Variants in DENND5B observed in about 807,000 individuals in gnomAD.
DENND5B encodes the protein DENN domain-containing protein 5B.
A neutral mutation model predicts 140.6 loss-of-function variants in DENND5B; 34 were observed. The observed-to-expected ratio is 0.24, with a 90% confidence interval of 0.18 to 0.32. The LOEUF is 0.32. Ranked by LOEUF, DENND5B falls within the 10% of genes least tolerant of loss-of-function variation. The pLI is 1.00. For missense variants in DENND5B, 1,142 were observed against 1,560.2 expected (o/e 0.73, Z 4.52); for synonymous variants, 551 against 562.1 (o/e 0.98, Z 0.28).
intron 5 of DENND5B, among the ~76,000 whole-genome samples, chr12:31,450,285 A>G (rs561659875): frequency 6.6e-6 from 1 of 152,354 alleles, no homozygotes; most frequent in East Asian, 1.9e-4. Flanking sequence ...GGGGAAAAAC[A>G]AAGAACACCA....
intron 13 of DENND5B, among the ~76,000 whole-genome samples, chr12:31,412,411 T>TGGGGAG (rs1942508620): frequency 6.6e-6 from 1 of 152,262 alleles, no homozygotes; most frequent in East Asian, 1.9e-4. Flanking sequence ...TCGCAGGGGC[T>TGGGGAG]GGGGAGGGGG....
intron 11 of DENND5B, among the ~76,000 whole-genome samples, chr12:31,416,510 C>T (rs892761344): frequency 1.7e-4 from 25 of 151,454 alleles, no homozygotes; most frequent in South Asian, 8.4e-4. Context: ...GTGATCTGCC[C>T]GCCTTGGCCT....
chr12:31,540,099 A>T (rs1333110530), intron 1 of DENND5B, among the ~76,000 whole-genome samples: 2 of 152,182 alleles, frequency 1.3e-5, no homozygotes, highest in African/African-American at 4.8e-5. Context: ...CTAAAAAAGA[A>T]ATCAAGAAAG....
At chr12:31,566,983 T>G (rs1316987165) in intron 1 of DENND5B, among the ~76,000 whole-genome samples, 1 of 152,200 alleles carries the variant, frequency 6.6e-6, no homozygotes, top group Non-Finnish European at 1.5e-5. Context: ...GTGCAAGCAC[T>G]TGCAGACATT....
At chr12:31,411,331 C>A (rs894353186) in intron 13 of DENND5B, among the ~76,000 whole-genome samples, 2 of 142,770 alleles carry the variant, frequency 1.4e-5, no homozygotes, top group African/African-American at 2.6e-5. Flanking sequence ...GCCAACACGC[C>A]CGGCCTTTTT....
intron 8 of DENND5B, among the ~76,000 whole-genome samples, chr12:31,431,774 G>C (rs907319860): frequency 2.6e-5 from 4 of 151,706 alleles, no homozygotes; most frequent in Admixed American, 6.6e-5. Flanking sequence ...TTGCTATCTA[G>C]CACACAAAAA....
intron 18 of DENND5B, 100 bp from the exon 19 acceptor site, chr12:31,392,493 G>A (rs1285018204): frequency 1.3e-6 from 2 of 1,555,512 alleles, no homozygotes; most frequent in Non-Finnish European, 1.7e-6. Context: ...TATGAAGCAT[G>A]TTTTTACAGC....
intron 11 of DENND5B, among the ~76,000 whole-genome samples, chr12:31,421,811 C>A (rs1943037169): frequency 6.6e-6 from 1 of 152,184 alleles, no homozygotes; most frequent in South Asian, 2.1e-4. Context: ...CTTGCCCTCC[C>A]AAAGTGTTGG....
At chr12:31,504,981 AC>A (rs1947139045) in intron 1 of DENND5B, among the ~76,000 whole-genome samples, 1 of 152,144 alleles carries the variant, frequency 6.6e-6, no homozygotes, top group African/African-American at 2.4e-5. Context: ...AGTGCCTCCC[AC>A]CTTGGCCTAC....
In DENND5B at chr12:31,554,054, C is replaced by T. The variant is rs370702887; in HGVS notation, c.127+36652G>A. On this transcript the variant is annotated intron_variant, in intron 1 of 20. Transcript: ENST00000389082. ...TGTGTCTTTTAATTGGAGCATTTAG[C>T]CCATTTACATTTAAAGTTAATATTG... Among the ~76,000 whole-genome samples, 202 of 151,334 alleles carry T rather than the reference C, an allele frequency of 1.3e-3. 1 individual carries two copies. Among genetic ancestry groups the T allele is most frequent in the African/African-American group, 4.7e-3 (194 of 41,176 alleles).
intron 2 of DENND5B, among the ~76,000 whole-genome samples, chr12:31,488,492 G>GT (rs1253588456): frequency 6.6e-6 from 1 of 152,158 alleles, no homozygotes; most frequent in Non-Finnish European, 1.5e-5. Context: ...CTTGCCAAAA[G>GT]TTGTACTCAA....
chr12:31,560,029 C>G (rs1287876202), intron 1 of DENND5B, among the ~76,000 whole-genome samples: 2 of 152,108 alleles, frequency 1.3e-5, no homozygotes, highest in Non-Finnish European at 2.9e-5. Flanking sequence ...ATCCTTGGCC[C>G]TCTTCCTCTT....
intron 4 of DENND5B, among the ~76,000 whole-genome samples, chr12:31,458,791 G>T (rs1944890427): frequency 6.6e-6 from 1 of 152,134 alleles, no homozygotes; most frequent in Non-Finnish European, 1.5e-5. Context: ...TATTAAGAAA[G>T]ATGTGAATTA....
intron 1 of DENND5B, among the ~76,000 whole-genome samples, chr12:31,502,324 CAAAAACA>C (rs1047167216): frequency 6.6e-6 from 1 of 151,452 alleles, no homozygotes; most frequent in Non-Finnish European, 1.5e-5. Context: ...AAAACAAAAA[CAAAAACA>C]AAAAAAACAT....
chr12:31,409,823 A>G (rs113829199), intron 13 of DENND5B, among the ~76,000 whole-genome samples: 3,286 of 150,982 alleles, frequency 0.022, 116 homozygotes, highest in African/African-American at 0.077. Context: ...TTTTTCCAGG[A>G]TGGGGTCTCG....
intron 1 of DENND5B, among the ~76,000 whole-genome samples, chr12:31,507,383 C>T (rs1947243789): frequency 6.6e-6 from 1 of 152,152 alleles, no homozygotes; most frequent in African/African-American, 2.4e-5. Context: ...AGTGATCCTG[C>T]CTGGGCCTCC....
At chr12:31,474,199 G>A (rs1945687006) in intron 3 of DENND5B, among the ~76,000 whole-genome samples, 1 of 152,218 alleles carries the variant, frequency 6.6e-6, no homozygotes, top group South Asian at 2.1e-4. Context: ...GCAGTGTGGT[G>A]TGGGTAGTGG....
intron 1 of DENND5B, chr12:31,540,974 A>G (rs1350561632): frequency 6.6e-6 from 3 of 453,986 alleles, no homozygotes; most frequent in East Asian, 7.0e-5. Context: ...TCTTCAGTCA[A>G]TGGTGCTGGG....
chr12:31,590,920 G>C lies in DENND5B; in HGVS notation c.-88C>G. On this transcript the variant is annotated 5_prime_UTR_variant, in exon 1 of 21. Coordinates refer to ENST00000389082, the MANE Select transcript of DENND5B (RefSeq NM_144973.4). ...GCCACCACCGCTCCGGCTGTGGTCT[G>C]TGCGCCCGCCCTAGGGCGACACTGG... The C allele has an allele frequency of 4.4e-6, 5 of 1,143,188 alleles. No homozygotes were observed. The highest frequency in any genetic ancestry group is 5.4e-6 in the Non-Finnish European group (5 of 931,636). 70.8% of individuals were successfully genotyped at this position (1,143,188 alleles called of 1,614,324 possible).
Sources: allele counts gnomAD v4.1 joint callset (sites outside exome capture counted in the v4.1 genomes callset), GRCh38; gene constraint gnomAD v4.1.1; transcripts MANE v1.5; gene names NCBI Gene and HGNC (gene_info 2026-07-23, HGNC 2026-07-21).